Variants in EML3 observed in about 807,000 individuals in gnomAD.
The protein encoded by EML3 is EMAP like 3, also known as echinoderm microtubule-associated protein-like 3.
A neutral mutation model predicts 106.7 loss-of-function variants in EML3; 53 were observed. The observed-to-expected ratio is 0.50, with a 90% CI of 0.40 to 0.62. The LOEUF is 0.62. EML3 is among the 20% of genes least tolerant of loss of function. The pLI, the probability that EML3 is intolerant of heterozygous loss-of-function variation, is 0.00. For missense variants in EML3, 994 were observed against 1,209.1 expected, an observed-to-expected ratio of 0.82 and a Z score of 2.64; for synonymous variants, 499 against 489.6, an observed-to-expected ratio of 1.02 and a Z score of -0.25.
Position 62,607,301 on chromosome 11 carries a change from A to G in EML3, c.1363-202T>C, listed in dbSNP as rs530992331. ...CGCACTGCACTCCAGCCTGGGTGAT[A>G]GAGCAAGGCACTGTCTCAAAAACAA... On this transcript the variant is annotated intron_variant, in intron 11 of 21. Transcript: ENST00000394773. 1.3e-4 allele frequency: 72 copies of G among 538,582 alleles called. No homozygotes were observed. The South Asian group carries it at 1.8e-3, about 13-fold the overall frequency. The allele number at this position is 538,582 out of a possible 1,614,324, so 33.4% of individuals were successfully genotyped here.
chr11:62,605,864 A>C lies in EML3; in HGVS notation c.1773T>G (p.Pro591=), dbSNP rs1942484784. 1.2e-6 allele frequency: 2 copies of C among 1,613,964 alleles called. No individual in the cohort carries two copies. The highest frequency in any genetic ancestry group is 1.7e-6 in the Non-Finnish European group (2 of 1,179,990). The change falls in exon 14 of 22, where the codon CCT becomes CCG. Residue 591 remains proline (P), a synonymous_variant. Coordinates refer to ENST00000394773, the MANE Select transcript of EML3 (RefSeq NM_153265.3). This position sits in a 1 kb window ranked among gnomAD's most constrained non-coding sequence, Gnocchi z 5.2. The stretch of plus-strand genomic sequence containing the variant: ...GCCCTTAACCCCCAACCTGGATTAC[A>C]GGGGAGAAGCCCTGGGCCAGGTCTC... ...LRGDLAQGFS[P]VIQGHTDELW... is the part of the protein sequence containing the mutation.
chr11:62,606,874 A>AAAT, intron 12 of EML3, 84 bp downstream of exon 12: 2 of 1,395,232 alleles, frequency 1.4e-6, no homozygotes, highest in Non-Finnish European at 1.9e-6. Context: ...AAAAAAAAAA[A>AAAT]GATGGGAATG....
intron 4 of EML3, among the ~76,000 whole-genome samples, 157 bp from the exon 5 acceptor site, chr11:62,609,853 C>T (rs1382070706): frequency 6.6e-6 from 1 of 152,204 alleles, no homozygotes; most frequent in East Asian, 1.9e-4. Flanking sequence ...TAGATGGAGA[C>T]TTCTAGTTCC....
rs770948977 is a variant in EML3, at chr11:62,607,730, T to C, written c.1298A>G (p.Asn433Ser). The C allele has an allele frequency of 5.0e-6, 8 of 1,613,790 alleles. No individual in the cohort carries two copies. Among genetic ancestry groups the C allele is most frequent in the Non-Finnish European group, 6.8e-6 (8 of 1,179,886 alleles). The change falls in exon 11 of 22, where the codon AAT becomes AGT. Residue 433 changes from asparagine (N) to serine (S), a missense_variant. This residue lies in a region of EML3 where 713 missense variants were observed against 920.5 expected (regional missense o/e 0.77). Coordinates refer to ENST00000394773, the MANE Select transcript of EML3 (RefSeq NM_153265.3). ...TSGKSHVHFWNWSGGVGVPGN... is the reference protein window; with the variant it reads ...TSGKSHVHFWSWSGGVGVPGN... ...AGGAACCCCTACTCCACCACTCCAA[T>C]TCCAGAAGTGGACGTGAGATTTCCC...
chr11:62,606,793 G>A (rs1942541920), intron 12 of EML3, among the ~76,000 whole-genome samples, 165 bp downstream of exon 12: 1 of 151,072 alleles, frequency 6.6e-6, no homozygotes, highest in South Asian at 2.1e-4. Context: ...GAAGGCAGAG[G>A]TTGCAGTGAA....
Position 62,606,118 on chromosome 11 carries a change from C to T in EML3, c.1601G>A (p.Arg534Gln), listed in dbSNP as rs1942504875. ...RDGTVLSGGG[R>Q]DRRLVQWGPG... ...CCCCCACTGTACCAGCCGGCGGTCC[C>T]GCCCGCCACCACTCAGCACTGTCCC... The change falls in exon 13 of 22, where the codon CGG becomes CAG. Residue 534 changes from arginine to glutamine, a missense_variant. By Grantham distance (43) the Arg-to-Gln change is conservative (BLOSUM62 1). This residue lies in a region of EML3 where 713 missense variants were observed against 920.5 expected (regional missense o/e 0.77). Coordinates refer to ENST00000394773, the MANE Select transcript of EML3 (RefSeq NM_153265.3). 4 of 1,614,112 alleles carry T rather than the reference C, an allele frequency of 2.5e-6. No homozygotes were observed. The highest frequency in any genetic ancestry group is 1.3e-5 in the African/African-American group (1 of 75,076).
rs771934466 is a variant in EML3 at position 62,608,610 on chromosome 11, A to G, written c.1042T>C (p.Leu348=). ...VVHIWDSETL[L]KLQEIGLGAF... ...CCCAGTCCAATCTCCTGCAGTTTCA[A>G]CAGCGTCTCTGAGTCCCAGATGTGA... Residue 348 remains leucine (L), a synonymous_variant, in exon 9 of 22, where the codon TTG becomes CTG. Coordinates refer to ENST00000394773, the MANE Select transcript of EML3 (RefSeq NM_153265.3). 6.2e-7 allele frequency: 1 copy of G among 1,614,086 alleles called. No homozygotes were observed. The highest frequency in any genetic ancestry group is 8.5e-7 in the Non-Finnish European group (1 of 1,180,040).
chr11:62,611,177 G>T lies in EML3; in HGVS notation c.362C>A (p.Ser121Tyr), dbSNP rs758742031. Residue 121 changes from serine to tyrosine, a missense_variant, in exon 3 of 22, where the codon TCT becomes TAT. By Grantham distance (144) the Ser-to-Tyr change is moderately radical (BLOSUM62 -2). Around this residue, in one of 3 missense-constraint regions of EML3, gnomAD observed 269 missense variants for 265.1 expected, o/e 1.01. Coordinates refer to ENST00000394773, the MANE Select transcript of EML3 (RefSeq NM_153265.3). ...GASEEPSGTQ[S>Y]EGGGSSSSGA... ...ACTGCTGCTGCTGCCCCCTCCTTCA[G>T]ATTGGGTCCCGCTAGGCTCTTCGCT... The T allele has an allele frequency of 2.5e-6, 4 of 1,606,714 alleles. No individual in the cohort carries two copies. Among genetic ancestry groups the T allele is most frequent in the Non-Finnish European group, 3.4e-6 (4 of 1,179,140 alleles).
At chr11:62,603,085 C>G in intron 20 of EML3, 64 bp downstream of exon 20, 1 of 1,598,816 alleles carries the variant, frequency 6.3e-7, no homozygotes, top group Middle Eastern at 1.7e-4. Context: ...CCCAGCGTTC[C>G]AAGCCCAAAC....
At position 62,609,249 on chromosome 11, in the gene EML3, T is replaced by A. The variant is rs562912277; in HGVS notation, c.758+105A>T. 3.9e-4 allele frequency: 611 copies of A among 1,551,202 alleles called. 1 individual carries two copies. The highest frequency in any genetic ancestry group is 5.0e-4 in the Non-Finnish European group (573 of 1,148,970). ...AGAGCAGAATGATGGTAGGAGAGGATCTAGAAGGCTCCTTGTCCCCACAGA... is the reference window on the plus strand; with the variant it reads ...AGAGCAGAATGATGGTAGGAGAGGAACTAGAAGGCTCCTTGTCCCCACAGA... On this transcript the variant is annotated intron_variant, in intron 6 of 21. Transcript: ENST00000394773.
chr11:62,604,454 C>T (rs967504894), intron 16 of EML3, among the ~76,000 whole-genome samples: 12 of 152,066 alleles, frequency 7.9e-5, no homozygotes, highest in African/African-American at 2.7e-4. Context: ...AAGATCTCAA[C>T]GCAACCTCCA....
intron 16 of EML3, 67 bp from the exon 17 acceptor site, chr11:62,604,268 A>T: frequency 3.4e-6 from 5 of 1,449,770 alleles, no homozygotes; most frequent in East Asian, 2.3e-5. Flanking sequence ...ACCCCCAGGG[A>T]GGCCACCCTG....
intron 6 of EML3, 92 bp from the exon 7 acceptor site, chr11:62,609,224 A>G (rs1043898917): frequency 1.9e-6 from 3 of 1,579,674 alleles, no homozygotes; most frequent in Non-Finnish European, 2.6e-6. Flanking sequence ...GGCAGGGCCT[A>G]GAGCAGAATG....
rs566500682 is a variant in EML3 at position 62,609,468 on chromosome 11, G to A, written c.644C>T (p.Ser215Leu). 6.3e-6 allele frequency: 10 copies of A among 1,577,066 alleles called. No individual in the cohort carries two copies. In the South Asian group the frequency reaches 1.2e-4, roughly 18 times the overall value. The part of the protein sequence containing the change: ...RRSNYNLEGI[S>L]VKMFLRGRPI... ...GCGCCCTCGAAGGAACATCTTCACT[G>A]AGATGCCTTCTACAGAGAAAAGGGG... The change falls in exon 6 of 22, where the codon TCA (serine) becomes TTA (leucine). Residue 215 changes from serine to leucine, a missense_variant. This residue lies in a region of EML3 where 269 missense variants were observed against 265.1 expected (regional missense o/e 1.01). Coordinates refer to ENST00000394773, the MANE Select transcript of EML3 (RefSeq NM_153265.3).
chr11:62,607,500 G>T, intron 11 of EML3, 166 bp downstream of exon 11: 1 of 742,576 alleles, frequency 1.3e-6, no homozygotes, highest in Non-Finnish European at 2.0e-6. Context: ...TCTTGCCATT[G>T]CACTCTGGCC....
At chr11:62,608,872 C>G in intron 7 of EML3, 67 bp from the exon 8 acceptor site, 1 of 1,577,870 alleles carries the variant, frequency 6.3e-7, no homozygotes, top group Non-Finnish European at 8.6e-7. Flanking sequence ...CTTCTCCAAG[C>G]TTGCAGAGCA....
Position 62,602,257 on chromosome 11 carries a change from G to A in EML3, c.*218C>T, listed in dbSNP as rs1942245760. On this transcript the variant is annotated 3_prime_UTR_variant, in exon 22 of 22. Coordinates refer to ENST00000394773, the MANE Select transcript of EML3 (RefSeq NM_153265.3). ...GGTTTATTGCCCCTCAGCAGGCAGC[G>A]GGAGTCAAGGCCTAGGCTGGGGCTG... 1.3e-6 allele frequency: 2 copies of A among 1,546,452 alleles called. No homozygotes were observed. Among genetic ancestry groups the A allele is most frequent in the Non-Finnish European group, 1.7e-6 (2 of 1,144,526 alleles).
intron 4 of EML3, 144 bp downstream of exon 4, chr11:62,610,735 A>G: frequency 1.5e-6 from 1 of 682,696 alleles, no homozygotes; most frequent in Non-Finnish European, 2.4e-6. Context: ...CCCGGTACAC[A>G]GCAGGCGCCC....
chr11:62,608,042 G>T, intron 10 of EML3, 159 bp downstream of exon 10: 1 of 839,832 alleles, frequency 1.2e-6, no homozygotes, highest in Non-Finnish European at 1.9e-6. Context: ...CAGAACCCAT[G>T]TCACAAATGA....
Sources: gnomAD v4.1 joint callset for allele counts (sites outside exome capture counted in the v4.1 genomes callset) on GRCh38, gnomAD v4.1.1 for gene constraint, gnomAD v4.1.1 regional missense constraint, Gnocchi (gnomAD v3.1) non-coding constraint, MANE v1.5 for transcripts, NCBI Gene and HGNC (gene_info 2026-07-23, HGNC 2026-07-21) for gene names.